Variants in SHOC1 observed in about 807,000 individuals in gnomAD.
The protein encoded by SHOC1 is shortage in chiasmata 1, also known as protein shortage in chiasmata 1 ortholog.
A neutral mutation model predicts 179.2 loss-of-function variants in SHOC1; 136 were observed. The observed-to-expected ratio is 0.76, with a 90% CI of 0.66 to 0.87. The LOEUF (loss-of-function observed/expected upper bound fraction) is 0.87. Ranked by LOEUF, SHOC1 falls within the 40% of genes least tolerant of loss-of-function variation. The pLI is 0.00. For missense variants in SHOC1, 1,538 were observed against 1,700.8 expected, an observed-to-expected ratio of 0.90 and a Z score of 1.68; for synonymous variants, 489 against 586.6, an observed-to-expected ratio of 0.83 and a Z score of 2.41.
In SHOC1 at chr9:111,739,516, A is replaced by G. The variant is rs546228889; in HGVS notation, c.1175-994T>C. ...TCCCACTGTTCTGCTTCCTGACACT[A>G]TAAACTACATTTTCTAGAATTTTAT... On this transcript the variant is annotated intron_variant, in intron 11 of 27. Coordinates refer to ENST00000682961, the MANE Select transcript of SHOC1 (RefSeq NM_001378211.1). Among the ~76,000 whole-genome samples, 4 of 152,090 alleles carry G rather than the reference A, an allele frequency of 2.6e-5. No homozygotes were observed. The South Asian group carries it at 6.2e-4, about 24-fold the overall frequency.
At chr9:111,709,138 C>T (rs991827966) in intron 18 of SHOC1, among the ~76,000 whole-genome samples, 3 of 152,142 alleles carry the variant, frequency 2.0e-5, no homozygotes, top group Non-Finnish European at 2.9e-5. Flanking sequence ...GTCAGGAGTT[C>T]GAGACCAGCC....
chr9:111,733,208 A>T (rs570522314), intron 12 of SHOC1, among the ~76,000 whole-genome samples: 2 of 152,372 alleles, frequency 1.3e-5, no homozygotes, highest in East Asian at 3.8e-4. Context: ...AAATTAGTAA[A>T]ATGTATGGCT....
At chr9:111,701,888 G>A (rs1323610261) in intron 23 of SHOC1, among the ~76,000 whole-genome samples, 1 of 152,018 alleles carries the variant, frequency 6.6e-6, no homozygotes, top group Non-Finnish European at 1.5e-5. Context: ...TAGTGAGATG[G>A]GGGAAAGGGG....
chr9:111,794,074 A>G (rs1209559838), intron 1 of SHOC1, among the ~76,000 whole-genome samples: 2 of 148,574 alleles, frequency 1.3e-5, no homozygotes, highest in East Asian at 2.0e-4. Flanking sequence ...CTGATTTCGA[A>G]CTCCTGAGCT....
At chr9:111,751,706 TA>T (rs1353446321) in intron 8 of SHOC1, among the ~76,000 whole-genome samples, 1 of 152,182 alleles carries the variant, frequency 6.6e-6, no homozygotes, top group Non-Finnish European at 1.5e-5. Context: ...CAAATGAGGT[TA>T]TAATTGATTT....
chr9:111,703,064 C>T (rs117081184), intron 22 of SHOC1, among the ~76,000 whole-genome samples: 1,784 of 152,170 alleles, frequency 0.012, 22 homozygotes, highest in Non-Finnish European at 0.017. Context: ...GAGCTATGAT[C>T]GTGTCATTGC....
chr9:111,744,139 A>G (rs1048118040), intron 10 of SHOC1, among the ~76,000 whole-genome samples: 1 of 152,218 alleles, frequency 6.6e-6, no homozygotes. Context: ...ATTAAAGATC[A>G]TACTAATTTC....
chr9:111,702,220 C>T lies in SHOC1; in HGVS notation c.2974G>A (p.Glu992Lys). The change falls in exon 23 of 28, where the codon GAA becomes AAA. Residue 992 changes from glutamate to lysine, a missense_variant. Glu to Lys is a moderately conservative substitution (Grantham distance 56, BLOSUM62 1). Transcript: ENST00000682961. ...EHTAIILQDL[E>K]ELNYEKASDN... ...GATGCCTTCTCATAATTCAATTCTT[C>T]TAGATCCTATCAGAAAATAAAGAAA... The T allele has an allele frequency of 7.0e-7, 1 of 1,427,240 alleles. No individual in the cohort carries two copies. Among genetic ancestry groups the T allele is most frequent in the Non-Finnish European group, 9.8e-7 (1 of 1,021,498 alleles). The allele number at this position is 1,427,240 out of a possible 1,614,324, so 88.4% of individuals were successfully genotyped here.
At chr9:111,788,126 G>A (rs1373235995) in intron 2 of SHOC1, among the ~76,000 whole-genome samples, 2 of 139,874 alleles carry the variant, frequency 1.4e-5, no homozygotes, top group East Asian at 2.2e-4. Context: ...GAGTGCAGTG[G>A]CGTGGTCTCG....
Position 111,730,666 on chromosome 9 carries a change from G to A in SHOC1, c.1418-2617C>T, listed in dbSNP as rs1833523496. ...TTCTGGCTTTGTTGTTCCATTTATA[G>A]AGCACAGAAAGTGTAGACTTATCAT... On this transcript the variant is annotated intron_variant, in intron 12 of 27. Transcript: ENST00000682961. 2.0e-5 allele frequency among the ~76,000 whole-genome samples: 3 copies of A among 152,188 alleles called. No homozygotes were observed. The South Asian group carries it at 6.2e-4, about 31-fold the overall frequency.
rs111724201 is a variant in SHOC1 at position 111,792,302 on chromosome 9, G to C, written c.-36-848C>G. ...AAAACAAACTTTTAAAACAATCCAG[G>C]CCAGGCATGTTGGCTCACACCTGTA... is the stretch of plus-strand genomic sequence containing the variant. On this transcript the variant is annotated intron_variant, in intron 1 of 27. Coordinates refer to ENST00000682961, the MANE Select transcript of SHOC1 (RefSeq NM_001378211.1). Among the ~76,000 whole-genome samples, 4 of 152,168 alleles carry C rather than the reference G, an allele frequency of 2.6e-5. 1 individual carries two copies. Among genetic ancestry groups the C allele is most frequent in the African/African-American group, 7.2e-5 (3 of 41,518 alleles).
intron 16 of SHOC1, 102 bp downstream of exon 16, chr9:111,718,082 C>T: frequency 1.4e-6 from 1 of 710,910 alleles, no homozygotes; most frequent in South Asian, 1.9e-5. Context: ...GAAAAGAAGG[C>T]TACATCATTT....
At chr9:111,784,360 C>A (rs1014381552) in intron 3 of SHOC1, among the ~76,000 whole-genome samples, 8 of 151,998 alleles carry the variant, frequency 5.3e-5, no homozygotes, top group African/African-American at 1.9e-4. Context: ...ATTTTGTGAC[C>A]CCCTCACTGT....
At chr9:111,766,106 C>G (rs1835348173) in intron 5 of SHOC1, among the ~76,000 whole-genome samples, 1 of 152,210 alleles carries the variant, frequency 6.6e-6, no homozygotes, top group South Asian at 2.1e-4. Context: ...TCTCTAACTT[C>G]ATGAGATCCA....
At chr9:111,706,472 A>C (rs1832278780) in intron 20 of SHOC1, 96 bp downstream of exon 20, 1 of 916,832 alleles carries the variant, frequency 1.1e-6, no homozygotes, top group African/African-American at 1.7e-5. Context: ...CAAGGCTTCT[A>C]ATGTCACAGC....
chr9:111,747,832 A>C (rs945829949), intron 9 of SHOC1, among the ~76,000 whole-genome samples: 4 of 152,072 alleles, frequency 2.6e-5, no homozygotes, highest in African/African-American at 4.8e-5. Flanking sequence ...TGATCCGCCC[A>C]CCTCAGCCTC....
At chr9:111,751,059 T>C (rs1349603399) in intron 8 of SHOC1, among the ~76,000 whole-genome samples, 2 of 152,150 alleles carry the variant, frequency 1.3e-5, no homozygotes, top group African/African-American at 4.8e-5. Flanking sequence ...GTTTTCTGCA[T>C]ATAGCTCCGC....
chr9:111,694,407 C>A (rs1831596392), intron 24 of SHOC1, 45 bp from the exon 25 acceptor site: 1 of 1,384,910 alleles, frequency 7.2e-7, no homozygotes, highest in Non-Finnish European at 1.0e-6. Context: ...TACTAGGAAG[C>A]AAAATATAAT....
intron 24 of SHOC1, among the ~76,000 whole-genome samples, chr9:111,697,650 A>T (rs2131329097): frequency 6.6e-6 from 1 of 152,332 alleles, no homozygotes; most frequent in Non-Finnish European, 1.5e-5. Flanking sequence ...AGCAATAAAC[A>T]TACGTGTGCA....
Sources: gnomAD v4.1 joint callset for allele counts (sites outside exome capture counted in the v4.1 genomes callset) on GRCh38, gnomAD v4.1.1 for gene constraint, MANE v1.5 for transcripts, NCBI Gene and HGNC (gene_info 2026-07-23, HGNC 2026-07-21) for gene names.